CNTN3: variants seen among roughly 807,000 people sequenced by gnomAD.
The protein encoded by CNTN3 is contactin-3.
Under a neutral mutation model 119.1 loss-of-function variants are expected in CNTN3, and 60 were observed. That is an observed-to-expected ratio of 0.50 (90% confidence interval 0.41 to 0.62). The LOEUF (loss-of-function observed/expected upper bound fraction) is 0.62. Ranked by LOEUF, CNTN3 falls within the 20% of genes least tolerant of loss-of-function variation. The probability of loss-of-function intolerance (pLI) is 0.00; values close to 1 mark genes in which losing one functional copy is unlikely to be tolerated. For missense variants in CNTN3, 1,101 were observed against 1,242.4 expected (o/e 0.89, Z 1.71); for synonymous variants, 450 against 438.7 (o/e 1.03, Z -0.32).
chr3:74,283,216 T>G (rs575706599), intron 20 of CNTN3, among the ~76,000 whole-genome samples: 46 of 152,278 alleles, frequency 3.0e-4, no homozygotes, highest in African/African-American at 1.1e-3. Flanking sequence ...TGTTACTTAC[T>G]CTGCAATGTC....
intron 1 of CNTN3, among the ~76,000 whole-genome samples, chr3:74,539,775 A>C (rs1703815900): frequency 6.6e-6 from 1 of 152,164 alleles, no homozygotes; most frequent in Admixed American, 6.5e-5. Flanking sequence ...GTAAAGAACT[A>C]GGATTAGAAA....
At chr3:74,488,336 A>T (rs1370757074) in intron 3 of CNTN3, among the ~76,000 whole-genome samples, 1 of 152,030 alleles carries the variant, frequency 6.6e-6, no homozygotes, top group Non-Finnish European at 1.5e-5. Context: ...GATGGTCTCG[A>T]TCTCCTGACC....
intron 4 of CNTN3, among the ~76,000 whole-genome samples, chr3:74,454,506 T>C (rs892090673): frequency 6.6e-6 from 1 of 152,164 alleles, no homozygotes; most frequent in African/African-American, 2.4e-5. Flanking sequence ...ATTTAGTCCA[T>C]TTACTTTTAA....
intron 5 of CNTN3, among the ~76,000 whole-genome samples, chr3:74,380,312 G>A (rs890719840): frequency 7.9e-5 from 12 of 152,312 alleles, no homozygotes; most frequent in Middle Eastern, 3.4e-3. Flanking sequence ...ACATAGCCAC[G>A]CTTGATACAA....
At chr3:74,560,321 G>C (rs1704134223) in intron 1 of CNTN3, among the ~76,000 whole-genome samples, 1 of 152,138 alleles carries the variant, frequency 6.6e-6, no homozygotes, top group Admixed American at 6.6e-5. Context: ...CACTTATTAT[G>C]GATGTTGTTG....
chr3:74,377,271 C>T (rs1220638922), intron 5 of CNTN3, among the ~76,000 whole-genome samples: 1 of 152,028 alleles, frequency 6.6e-6, no homozygotes, highest in African/African-American at 2.4e-5. Context: ...ACTAACTTTT[C>T]ATTTATTGCC....
At chr3:74,576,311 C>T (rs1704416315) in intron 1 of CNTN3, among the ~76,000 whole-genome samples, 1 of 152,140 alleles carries the variant, frequency 6.6e-6, no homozygotes, top group Non-Finnish European at 1.5e-5. Flanking sequence ...TTGAGCGTAT[C>T]AAATAAACTT....
chr3:74,452,443 C>A (rs1484439657), intron 4 of CNTN3, among the ~76,000 whole-genome samples: 110 of 144,446 alleles, frequency 7.6e-4, no homozygotes, highest in East Asian at 2.1e-3. Context: ...TCTAGATATA[C>A]AATCATGTCA....
chr3:74,434,311 A>G (rs530735876), intron 4 of CNTN3, among the ~76,000 whole-genome samples: 1 of 152,304 alleles, frequency 6.6e-6, no homozygotes, highest in East Asian at 1.9e-4. Context: ...AAAAATGAAA[A>G]CAATTATACA....
chr3:74,344,396 G>C (rs1482482462), intron 11 of CNTN3, among the ~76,000 whole-genome samples: 3 of 87,812 alleles, frequency 3.4e-5, no homozygotes, highest in Non-Finnish European at 7.0e-5. Flanking sequence ...CTTACACAGT[G>C]GTTTTTTTTT....
chr3:74,552,685 A>G (rs1704009391), intron 1 of CNTN3, among the ~76,000 whole-genome samples: 1 of 152,148 alleles, frequency 6.6e-6, no homozygotes, highest in South Asian at 2.1e-4. Context: ...CAAGGAAGGG[A>G]CCTGTAATCC....
At chr3:74,526,884 A>G (rs762242858) in intron 1 of CNTN3, among the ~76,000 whole-genome samples, 14 of 151,786 alleles carry the variant, frequency 9.2e-5, no homozygotes, top group Non-Finnish European at 1.8e-4. Context: ...CTAGATAATA[A>G]TCTTCAAAAA....
chr3:74,336,896 A>T (rs1201283197), intron 11 of CNTN3, among the ~76,000 whole-genome samples: 1 of 152,090 alleles, frequency 6.6e-6, no homozygotes, highest in Non-Finnish European at 1.5e-5. Flanking sequence ...AACTTTGTTC[A>T]GTATTTTTAC....
chr3:74,441,951 G>A (rs1559603513), intron 4 of CNTN3, among the ~76,000 whole-genome samples: 1 of 152,022 alleles, frequency 6.6e-6, no homozygotes, highest in Non-Finnish European at 1.5e-5. Context: ...AGGTCTCTAT[G>A]TTCCTATTCC....
chr3:74,392,365 C>G (rs1704933969), intron 5 of CNTN3, among the ~76,000 whole-genome samples: 1 of 152,136 alleles, frequency 6.6e-6, no homozygotes, highest in Non-Finnish European at 1.5e-5. Flanking sequence ...TTCTTCTTTA[C>G]TTTTGTCTTT....
At chr3:74,553,924 A>G (rs1239389745) in intron 1 of CNTN3, among the ~76,000 whole-genome samples, 1 of 152,154 alleles carries the variant, frequency 6.6e-6, no homozygotes, top group Non-Finnish European at 1.5e-5. Flanking sequence ...TAGTTTAATT[A>G]GATCCCATTT....
intron 1 of CNTN3, among the ~76,000 whole-genome samples, chr3:74,558,124 G>T (rs997309657): frequency 1.3e-5 from 2 of 152,242 alleles, no homozygotes; most frequent in African/African-American, 4.8e-5. Context: ...GCAATTACTG[G>T]TTTTTGCATG....
intron 4 of CNTN3, among the ~76,000 whole-genome samples, chr3:74,471,242 T>C (rs937880466): frequency 6.6e-6 from 1 of 151,896 alleles, no homozygotes; most frequent in Non-Finnish European, 1.5e-5. Context: ...ATACCTAATG[T>C]AGGTGACAGG....
intron 4 of CNTN3, among the ~76,000 whole-genome samples, chr3:74,454,179 A>T (rs1702217304): frequency 7.8e-6 from 1 of 128,136 alleles, no homozygotes; most frequent in Non-Finnish European, 1.7e-5. Flanking sequence ...GACTTGCTTT[A>T]TGAATCTGGG....
Sources: allele counts gnomAD v4.1 joint callset (sites outside exome capture counted in the v4.1 genomes callset), GRCh38; gene constraint gnomAD v4.1.1; transcripts MANE v1.5; gene names NCBI Gene and HGNC (gene_info 2026-07-23, HGNC 2026-07-21).